Variants in SGPL1 observed in about 807,000 individuals in gnomAD.
SGPL1 encodes the protein SP-lyase 1.
SGPL1 carries 37 observed loss-of-function variants against 68.9 expected under a neutral mutation model. The ratio of observed to expected loss-of-function variants is 0.54; its 90% CI spans 0.41 to 0.71. SGPL1 has a LOEUF of 0.71. Among genes scored for constraint, SGPL1 ranks in the 30% least tolerant of loss-of-function variants. The pLI is 0.00. For synonymous variants in SGPL1, 236 were observed against 248.5 expected (o/e 0.95, Z 0.47); for missense variants, 551 against 704.6 (o/e 0.78, Z 2.47).
At chr10:70,849,221 G>C (rs1393686440) in intron 3 of SGPL1, among the ~76,000 whole-genome samples, 1 of 152,060 alleles carries the variant, frequency 6.6e-6, no homozygotes, top group Non-Finnish European at 1.5e-5. Context: ...CATCAAATAA[G>C]GAAGCATTTC....
intron 2 of SGPL1, among the ~76,000 whole-genome samples, chr10:70,826,721 A>G (rs566267872): frequency 1.2e-4 from 19 of 152,330 alleles, no homozygotes; most frequent in Admixed American, 7.2e-4. Flanking sequence ...AAATAGTTTT[A>G]ACCACCTGTG....
At chr10:70,860,869 G>A (rs1169323187) in intron 7 of SGPL1, among the ~76,000 whole-genome samples, 1 of 152,134 alleles carries the variant, frequency 6.6e-6, no homozygotes, top group Non-Finnish European at 1.5e-5. Context: ...GGACACAGAT[G>A]AATAAATTGT....
At position 70,851,206 on chromosome 10, in the gene SGPL1, G is replaced by A. The variant is rs376106211; in HGVS notation, c.257G>A (p.Arg86His). 37 of 1,610,748 alleles carry A rather than the reference G, an allele frequency of 2.3e-5. No homozygotes were observed. The highest frequency in any genetic ancestry group is 4.5e-5 in the East Asian group (2 of 44,858). Residue 86 changes from arginine to histidine, a missense_variant, in exon 4 of 15, where the codon CGT (arginine) becomes CAT (histidine). Physicochemically the swap from Arg to His is conservative, Grantham distance 29. Coordinates refer to ENST00000373202, the MANE Select transcript of SGPL1 (RefSeq NM_003901.4). ...KLTRKMPIIGRKIQDKLNKTK... is the reference protein window; with the variant it reads ...KLTRKMPIIGHKIQDKLNKTK... ...ACCAGGAAGATGCCCATTATTGGTCGTAAGGTAAGTAGAATCTGTGTATGT... is the reference window on the plus strand; with the variant it reads ...ACCAGGAAGATGCCCATTATTGGTCATAAGGTAAGTAGAATCTGTGTATGT...
intron 8 of SGPL1, among the ~76,000 whole-genome samples, chr10:70,868,659 C>T (rs1846237636): frequency 1.3e-5 from 2 of 152,234 alleles, no homozygotes; most frequent in South Asian, 4.2e-4. Flanking sequence ...CGCCCCACCC[C>T]CAGATCATGC....
Position 70,878,028 on chromosome 10 carries a change from A to G in SGPL1, c.*693A>G, listed in dbSNP as rs1846429579. 1 of 151,974 alleles carries G rather than the reference A, an allele frequency of 6.6e-6. No homozygotes were observed. Among genetic ancestry groups the G allele is most frequent in the Admixed American group, 6.6e-5 (1 of 15,254 alleles). 9.4% of individuals were successfully genotyped at this position (151,974 alleles called of 1,614,324 possible). On this transcript the variant is annotated 3_prime_UTR_variant, in exon 15 of 15. Transcript: ENST00000373202. ...TAGAGACGGGTTCACCGTGTTGGCC[A>G]GGCTGGTCTTGAACTCCTGACCTCA...
At chr10:70,861,682 T>TG (rs1846058463) in intron 7 of SGPL1, among the ~76,000 whole-genome samples, 1 of 152,124 alleles carries the variant, frequency 6.6e-6, no homozygotes, top group African/African-American at 2.4e-5. Flanking sequence ...GCGCAGCGCT[T>TG]GCGGGCCAGC....
chr10:70,846,113 T>C (rs1313259050), intron 3 of SGPL1, among the ~76,000 whole-genome samples: 3 of 152,240 alleles, frequency 2.0e-5, no homozygotes, highest in Non-Finnish European at 1.5e-5. Context: ...CTGACTCTCC[T>C]GTGTAAATCT....
In SGPL1 at chr10:70,851,224, G is replaced by C; in HGVS notation, c.261+14G>C. Reference sequence around the variant, plus strand: ...ATTGGTCGTAAGGTAAGTAGAATCTGTGTATGTCATTTTTTCCCCTCTTGA... The same window carrying C: ...ATTGGTCGTAAGGTAAGTAGAATCTCTGTATGTCATTTTTTCCCCTCTTGA... On this transcript the variant is annotated intron_variant, in intron 4 of 14. Coordinates refer to ENST00000373202, the MANE Select transcript of SGPL1 (RefSeq NM_003901.4). 1.3e-6 allele frequency: 2 copies of C among 1,596,350 alleles called. No homozygotes were observed. The highest frequency in any genetic ancestry group is 1.7e-6 in the Non-Finnish European group (2 of 1,164,020).
Position 70,839,355 on chromosome 10 carries a change from T to TTTC in SGPL1, c.28-5118_28-5117insTTC, listed in dbSNP as rs397755863. Among the ~76,000 whole-genome samples the TTTC allele has an allele frequency of 6.1e-3, 925 of 151,328 alleles. 12 individuals are homozygous for TTTC. The highest frequency in any genetic ancestry group is 0.021 in the African/African-American group (875 of 41,346). On this transcript the variant is annotated intron_variant, in intron 2 of 14. Transcript: ENST00000373202. ...ATTCACTGGGCAAATAATTTTTTTT[T>TTTC]CTAGAGGAATACCTTTCCAATTTTA...
At chr10:70,861,728 G>A (rs1313761212) in intron 7 of SGPL1, among the ~76,000 whole-genome samples, 5 of 152,192 alleles carry the variant, frequency 3.3e-5, no homozygotes, top group African/African-American at 7.2e-5. Flanking sequence ...GGCGGGCCCC[G>A]CACTCGGAGC....
chr10:70,823,207 A>G (rs945542377), intron 2 of SGPL1, among the ~76,000 whole-genome samples: 1 of 151,524 alleles, frequency 6.6e-6, no homozygotes, highest in South Asian at 2.1e-4. Context: ...ACTCAAACAC[A>G]CACAGCCATA....
chr10:70,852,736 ACG>A (rs1469210065), intron 4 of SGPL1, among the ~76,000 whole-genome samples: 1 of 151,262 alleles, frequency 6.6e-6, no homozygotes, highest in Non-Finnish European at 1.5e-5. Context: ...GTGCGCGCGC[ACG>A]CGTGTGTGTA....
chr10:70,834,257 A>T (rs1463181092), intron 2 of SGPL1, among the ~76,000 whole-genome samples: 1 of 152,206 alleles, frequency 6.6e-6, no homozygotes, highest in Non-Finnish European at 1.5e-5. Context: ...ATTCTGACCC[A>T]AGAAGATGAT....
chr10:70,841,340 C>T (rs924517845), intron 2 of SGPL1, among the ~76,000 whole-genome samples: 2 of 152,126 alleles, frequency 1.3e-5, no homozygotes, highest in African/African-American at 4.8e-5. Flanking sequence ...TCCATTCAGG[C>T]TGCTATAACA....
Position 70,877,806 on chromosome 10 carries a change from C to CTAT in SGPL1, c.*472_*473insATT, listed in dbSNP as rs1177923810. ...GCAGGAGGCTTTTTCAGCCTTCTCTCTCTTTTTTTTTTTTTTTTTTTTTTT... is the reference window on the plus strand; with the variant it reads ...GCAGGAGGCTTTTTCAGCCTTCTCTCTATTCTTTTTTTTTTTTTTTTTTTTTTT... On this transcript the variant is annotated 3_prime_UTR_variant, in exon 15 of 15. Transcript: ENST00000373202. The CTAT allele has an allele frequency of 8.3e-6, 1 of 120,424 alleles. No homozygotes were observed. Among genetic ancestry groups the CTAT allele is most frequent in the African/African-American group, 3.4e-5 (1 of 29,736 alleles). The allele number at this position is 120,424 out of a possible 1,614,324, so 7.5% of individuals were successfully genotyped here.
At chr10:70,822,769 C>T (rs1051385262) in intron 2 of SGPL1, among the ~76,000 whole-genome samples, 58 of 150,760 alleles carry the variant, frequency 3.8e-4, no homozygotes, top group African/African-American at 1.3e-3. Context: ...TAAGGGCTAG[C>T]TAGCAATAGG....
At chr10:70,838,834 G>A (rs982522028) in intron 2 of SGPL1, among the ~76,000 whole-genome samples, 2 of 152,104 alleles carry the variant, frequency 1.3e-5, no homozygotes, top group Non-Finnish European at 2.9e-5. Flanking sequence ...ATATGTTTCT[G>A]TTTCTACATG....
chr10:70,830,113 T>A (rs1845507961), intron 2 of SGPL1, among the ~76,000 whole-genome samples: 1 of 152,196 alleles, frequency 6.6e-6, no homozygotes, highest in Non-Finnish European at 1.5e-5. Flanking sequence ...TTTATTTTTT[T>A]ATTAAAAGAA....
chr10:70,831,682 G>GT (rs1216638609), intron 2 of SGPL1, among the ~76,000 whole-genome samples: 3 of 152,184 alleles, frequency 2.0e-5, no homozygotes, highest in African/African-American at 7.2e-5. Flanking sequence ...GCTATCCAGA[G>GT]GCTCTCTGAA....
Sources: gnomAD v4.1 joint callset for allele counts (sites outside exome capture counted in the v4.1 genomes callset) on GRCh38, gnomAD v4.1.1 for gene constraint, MANE v1.5 for transcripts, NCBI Gene and HGNC (gene_info 2026-07-23, HGNC 2026-07-21) for gene names.